The following RNLS variants were observed in gnomAD, a reference collection of about 807,000 sequenced individuals.
The protein encoded by RNLS is renalase, FAD dependent amine oxidase.
A neutral mutation model predicts 39.8 loss-of-function variants in RNLS; 39 were observed. The observed-to-expected ratio is 0.98, with a 90% CI of 0.76 to 1.28. The LOEUF (loss-of-function observed/expected upper bound fraction) is 1.28, where lower values mean the gene tolerates loss of function less well. RNLS is among the 50% of genes most tolerant of loss of function. The pLI is 0.00. For missense variants in RNLS, 410 were observed against 413.3 expected, an observed-to-expected ratio of 0.99 and a Z score of 0.07; for synonymous variants, 147 against 150.7, an observed-to-expected ratio of 0.98 and a Z score of 0.18.
intron 4 of RNLS, among the ~76,000 whole-genome samples, chr10:88,454,709 G>T (rs577805409): frequency 6.6e-6 from 1 of 152,220 alleles, no homozygotes; most frequent in African/African-American, 2.4e-5. Flanking sequence ...ACTCAATCTG[G>T]GTAGATTTAT....
At chr10:88,350,528 A>G (rs911813632) in intron 5 of RNLS, among the ~76,000 whole-genome samples, 15 of 152,144 alleles carry the variant, frequency 9.9e-5, no homozygotes, top group Non-Finnish European at 1.8e-4. Context: ...GACGGTTTCC[A>G]GCTTCATCCA....
intron 4 of RNLS, among the ~76,000 whole-genome samples, chr10:88,414,111 A>T (rs566989424): frequency 4.6e-5 from 7 of 152,240 alleles, no homozygotes; most frequent in African/African-American, 1.7e-4. Context: ...TTATTTTTTG[A>T]CACCTCTTCA....
intron 4 of RNLS, among the ~76,000 whole-genome samples, chr10:88,521,394 G>C (rs945405721): frequency 6.6e-6 from 1 of 151,982 alleles, no homozygotes; most frequent in Non-Finnish European, 1.5e-5. Flanking sequence ...CTGAAATGTT[G>C]GGACTTCCTC....
At chr10:88,436,682 A>G (rs1024919385) in intron 4 of RNLS, among the ~76,000 whole-genome samples, 1 of 152,176 alleles carries the variant, frequency 6.6e-6, no homozygotes, top group Non-Finnish European at 1.5e-5. Context: ...CTATAAAACT[A>G]TTCTTTGGGC....
rs545834030 is a variant in RNLS at position 88,419,307 on chromosome 10, G to A, written c.527-56582C>T. ...ACCTCTAAACCCAGAACTAACTCTA[G>A]CCAAAAGGAATCTAGAAACATAATG... On this transcript the variant is annotated intron_variant, in intron 4 of 6. Transcript: ENST00000331772. Among the ~76,000 whole-genome samples, 5 of 152,282 alleles carry A rather than the reference G, an allele frequency of 3.3e-5. No individual in the cohort carries two copies. The East Asian group carries it at 5.8e-4, about 18-fold the overall frequency.
chr10:88,252,162 C>G, the RNLS span, among the ~76,000 whole-genome samples: 1 of 152,164 alleles, frequency 6.6e-6, no homozygotes, highest in East Asian at 1.9e-4. Flanking sequence ...CACCCCAGGA[C>G]GCTTTTCCAT....
At chr10:88,243,815 G>C in the RNLS span, among the ~76,000 whole-genome samples, 1 of 152,220 alleles carries the variant, frequency 6.6e-6, no homozygotes, top group African/African-American at 2.4e-5. Flanking sequence ...GAACTACTCA[G>C]TAACTGAAAG....
chr10:88,242,194 C>G, the RNLS span, among the ~76,000 whole-genome samples: 1 of 152,226 alleles, frequency 6.6e-6, no homozygotes, highest in Non-Finnish European at 1.5e-5. Flanking sequence ...TGGCATCCAA[C>G]CCCTCCAACT....
At chr10:88,332,834 A>T (rs1430784933) in intron 5 of RNLS, among the ~76,000 whole-genome samples, 3 of 152,214 alleles carry the variant, frequency 2.0e-5, no homozygotes, top group Non-Finnish European at 2.9e-5. Context: ...GCTGAGGGTT[A>T]TACCTACCTC....
intron 3 of RNLS, among the ~76,000 whole-genome samples, chr10:88,578,983 G>A (rs572140961): frequency 6.6e-6 from 1 of 152,072 alleles, no homozygotes; most frequent in East Asian, 1.9e-4. Flanking sequence ...ATGTGTAGGG[G>A]TGAAATTTCA....
intron 5 of RNLS, among the ~76,000 whole-genome samples, chr10:88,350,059 G>A (rs792224): frequency 6.6e-6 from 1 of 151,976 alleles, no homozygotes; most frequent in South Asian, 2.1e-4. Flanking sequence ...AGCCCAAACG[G>A]GAAACCTGAC....
chr10:88,397,511 AAAAG>A lies in RNLS; in HGVS notation c.527-34790_527-34787del, dbSNP rs549401556. On this transcript the variant is annotated intron_variant, in intron 4 of 6. Coordinates refer to ENST00000331772, the MANE Select transcript of RNLS (RefSeq NM_001031709.3). ...ATTTGTAGGTGTAAATGCTTATATTAAAAGAAAGAAAGATCTTAAATCAATAATC... is the reference window on the plus strand; with the variant it reads ...ATTTGTAGGTGTAAATGCTTATATTAAAAGAAAGATCTTAAATCAATAATC... Among the ~76,000 whole-genome samples, 28 of 152,128 alleles carry A rather than the reference AAAAG, an allele frequency of 1.8e-4. 2 individuals are homozygous for A. The highest frequency in any genetic ancestry group is 8.3e-4 in the South Asian group (4 of 4,834).
chr10:88,440,110 T>A (rs534586979), intron 4 of RNLS, among the ~76,000 whole-genome samples: 3 of 152,342 alleles, frequency 2.0e-5, no homozygotes, highest in African/African-American at 7.2e-5. Flanking sequence ...AGGATTTATG[T>A]GATAAATGTT....
chr10:88,449,319 C>T (rs1224078782), intron 4 of RNLS, among the ~76,000 whole-genome samples: 2 of 152,160 alleles, frequency 1.3e-5, no homozygotes, highest in Non-Finnish European at 2.9e-5. Context: ...GCTTGTTATT[C>T]CCAAACATAC....
At chr10:88,270,119 T>C (rs1262346306), downstream of RNLS, among the ~76,000 whole-genome samples, 3 of 152,204 alleles carry the variant, frequency 2.0e-5, no homozygotes, top group Non-Finnish European at 4.4e-5. Context: ...ATGAGTCTTC[T>C]AAACTTTGAG....
rs1376395535 is a variant in RNLS at position 88,581,294 on chromosome 10, G to GTGTATATATATA, written c.367+272_367+273insTATATATATACA. Among the ~76,000 whole-genome samples the GTGTATATATATA allele has an allele frequency of 7.6e-3, 982 of 129,772 alleles. 11 individuals carry two copies. Among genetic ancestry groups the GTGTATATATATA allele is most frequent in the African/African-American group, 0.028 (926 of 33,548 alleles). 85.1% of individuals were successfully genotyped at this position (129,772 alleles called of 152,430 possible). On this transcript the variant is annotated intron_variant, in intron 3 of 6. Coordinates refer to ENST00000331772, the MANE Select transcript of RNLS (RefSeq NM_001031709.3). ...AATATATATGTATGTGTGTGTGTGT[G>GTGTATATATATA]TATATATATATATATATATATACAT...
At chr10:88,337,299 G>A (rs372960045) in intron 5 of RNLS, among the ~76,000 whole-genome samples, 2 of 152,172 alleles carry the variant, frequency 1.3e-5, no homozygotes, top group East Asian at 1.9e-4. Flanking sequence ...ATGAGAGAAC[G>A]TCTGTGTGGT....
At chr10:88,553,570 A>G (rs1166169539) in intron 4 of RNLS, among the ~76,000 whole-genome samples, 1 of 152,216 alleles carries the variant, frequency 6.6e-6, no homozygotes, top group Non-Finnish European at 1.5e-5. Flanking sequence ...TGTAGTCATG[A>G]CAAAGCACAG....
chr10:88,515,061 A>ATT (rs59913852), intron 4 of RNLS, among the ~76,000 whole-genome samples: 2 of 151,558 alleles, frequency 1.3e-5, no homozygotes, highest in Non-Finnish European at 2.9e-5. Flanking sequence ...TAATGGCTAC[A>ATT]TTTTTTTTCT....
Sources: gnomAD v4.1 joint callset for allele counts (sites outside exome capture counted in the v4.1 genomes callset) on GRCh38, gnomAD v4.1.1 for gene constraint, MANE v1.5 for transcripts, NCBI Gene and HGNC (gene_info 2026-07-23, HGNC 2026-07-21) for gene names.